The following PSD2 variants were observed in gnomAD, a reference collection of about 807,000 sequenced individuals.
The protein encoded by PSD2 is pleckstrin and Sec7 domain containing 2, also known as PH and SEC7 domain-containing protein 2.
A neutral mutation model predicts 69.8 loss-of-function variants in PSD2; 38 were observed. That is an observed-to-expected ratio of 0.54 (90% CI 0.42 to 0.71). The LOEUF (loss-of-function observed/expected upper bound fraction) is 0.71. Among genes scored for constraint, PSD2 ranks in the 30% least tolerant of loss-of-function variants. The pLI, the probability that PSD2 is intolerant of heterozygous loss-of-function variation, is 0.00. For synonymous variants in PSD2, 412 were observed against 423.0 expected (o/e 0.97, Z 0.32); for missense variants, 943 against 1,014.5 (o/e 0.93, Z 0.96).
At chr5:139,786,424 A>G in the PSD2 span, among the ~76,000 whole-genome samples, 1 of 152,134 alleles carries the variant, frequency 6.6e-6, no homozygotes, top group African/African-American at 2.4e-5. Flanking sequence ...AAATAAATAC[A>G]TTTTTAAAAT....
chr5:139,825,945 A>G (rs2126954316), intron 7 of PSD2, among the ~76,000 whole-genome samples: 2 of 152,300 alleles, frequency 1.3e-5, no homozygotes, highest in South Asian at 4.2e-4. Context: ...CAGGCAGAGG[A>G]GTAGGAGAGA....
At chr5:139,780,370 A>C in the PSD2 span, among the ~76,000 whole-genome samples, 5 of 152,320 alleles carry the variant, frequency 3.3e-5, no homozygotes, top group South Asian at 1.0e-3. Context: ...GTGACCCTGA[A>C]CTTGTATAAT....
intron 4 of PSD2, among the ~76,000 whole-genome samples, chr5:139,816,811 T>C (rs1473176788): frequency 6.6e-6 from 1 of 152,184 alleles, no homozygotes; most frequent in Non-Finnish European, 1.5e-5. Context: ...TTGCATGGGC[T>C]CAGCCCCACC....
At chr5:139,776,103 G>C in the PSD2 span, among the ~76,000 whole-genome samples, 1 of 152,214 alleles carries the variant, frequency 6.6e-6, no homozygotes, top group South Asian at 2.1e-4. Flanking sequence ...CATCACCATG[G>C]TAACGACACC....
the PSD2 span, among the ~76,000 whole-genome samples, chr5:139,765,556 TC>T: frequency 6.6e-6 from 1 of 152,170 alleles, no homozygotes; most frequent in Non-Finnish European, 1.5e-5. Flanking sequence ...TCCAGATAAA[TC>T]CCCATTCGCC....
chr5:139,840,278 T>C (rs1760842449), intron 14 of PSD2, 108 bp downstream of exon 14: 3 of 1,258,360 alleles, frequency 2.4e-6, no homozygotes, highest in East Asian at 2.4e-5. Context: ...AAGGGGCTCA[T>C]TGATGTGGGA....
chr5:139,748,649 G>T, the PSD2 span, among the ~76,000 whole-genome samples: 7 of 152,184 alleles, frequency 4.6e-5, no homozygotes, highest in African/African-American at 1.7e-4. Context: ...TCCACTGCCC[G>T]CCAGGCAGCG....
At position 139,842,261 on chromosome 5, in the gene PSD2, C is replaced by A. The variant is rs766099386; in HGVS notation, c.2113-10C>A. On this transcript the variant is annotated splice_polypyrimidine_tract_variant and intron_variant, in intron 14 of 14. Coordinates refer to ENST00000274710, the MANE Select transcript of PSD2 (RefSeq NM_032289.4). ...GTTGTCTTTTGACCTTGTGTTTGGC[C>A]TTTCCCCAGAAAAGCCGTTATGAGA... 18 of 1,612,304 alleles carry A rather than the reference C, an allele frequency of 1.1e-5. No homozygotes were observed. The Admixed American group carries it at 2.0e-4, about 18-fold the overall frequency.
At chr5:139,804,263 G>A (rs1759742415) in intron 1 of PSD2, among the ~76,000 whole-genome samples, 1 of 152,132 alleles carries the variant, frequency 6.6e-6, no homozygotes, top group South Asian at 2.1e-4. Flanking sequence ...CAGTGGGGGT[G>A]TTCAGGGTGG....
the PSD2 span, among the ~76,000 whole-genome samples, chr5:139,756,949 C>T: frequency 6.6e-6 from 1 of 152,152 alleles, no homozygotes; most frequent in African/African-American, 2.4e-5. Context: ...AGGTCAGGCC[C>T]GAGTCTCCAT....
the PSD2 span, among the ~76,000 whole-genome samples, chr5:139,785,854 T>A: frequency 6.6e-6 from 1 of 152,180 alleles, no homozygotes; most frequent in Admixed American, 6.5e-5. Context: ...TCTGGAAGGC[T>A]GAGGTGGGAA....
chr5:139,800,191 TC>T (rs1759637452), intron 1 of PSD2, among the ~76,000 whole-genome samples: 1 of 152,212 alleles, frequency 6.6e-6, no homozygotes. Flanking sequence ...TCATTTTGCT[TC>T]TTCACACTTT....
At chr5:139,755,558 G>C in the PSD2 span, among the ~76,000 whole-genome samples, 3 of 151,962 alleles carry the variant, frequency 2.0e-5, no homozygotes, top group African/African-American at 7.3e-5. Context: ...ATTTGTCTCT[G>C]TGTGTGTGTA....
the PSD2 span, among the ~76,000 whole-genome samples, chr5:139,750,092 G>A: frequency 2.0e-5 from 3 of 151,326 alleles, no homozygotes; most frequent in Admixed American, 6.6e-5. Flanking sequence ...TTGGGAGGCC[G>A]AGGTGGGTGG....
At chr5:139,838,527 T>A in intron 12 of PSD2, 101 bp from the exon 13 acceptor site, 1 of 1,307,966 alleles carries the variant, frequency 7.6e-7, no homozygotes, top group Non-Finnish European at 1.1e-6. Context: ...GAGGTACTGG[T>A]GCCTTCTCAG....
At chr5:139,795,781 A>T (rs1206898956), upstream of PSD2, 1 of 150,568 alleles carries the variant, frequency 6.6e-6, no homozygotes, top group Non-Finnish European at 1.5e-5. This position sits in a 1 kb window ranked among gnomAD's most constrained non-coding sequence, Gnocchi z 4.5. Context: ...CTCCTCCTCC[A>T]GCTCACGGCT....
chr5:139,821,788 T>TGG, intron 5 of PSD2, 105 bp from the exon 6 acceptor site: 3 of 625,704 alleles, frequency 4.8e-6, no homozygotes, highest in Non-Finnish European at 8.5e-6. Flanking sequence ...AGTGGGGCAC[T>TGG]GGAGCCCTGG....
the PSD2 span, among the ~76,000 whole-genome samples, chr5:139,780,433 CT>C: frequency 6.6e-5 from 10 of 151,892 alleles, no homozygotes; most frequent in African/African-American, 2.4e-4. Context: ...CATTAAATTT[CT>C]TTTTTTTGTT....
intron 1 of PSD2, among the ~76,000 whole-genome samples, chr5:139,801,476 G>A (rs7721837): frequency 0.016 from 2,363 of 152,208 alleles, 63 homozygotes; most frequent in African/African-American, 0.051. Flanking sequence ...CCATTCTTCT[G>A]TTTTCCTCCT....
Sources: allele counts gnomAD v4.1 joint callset (sites outside exome capture counted in the v4.1 genomes callset), GRCh38; gene constraint gnomAD v4.1.1; non-coding constraint Gnocchi (gnomAD v3.1); transcripts MANE v1.5; gene names NCBI Gene and HGNC (gene_info 2026-07-23, HGNC 2026-07-21).